The following PDE8B variants were observed in gnomAD, a reference collection of about 807,000 sequenced individuals.
The protein encoded by PDE8B is high affinity cAMP-specific and IBMX-insensitive 3',5'-cyclic phosphodiesterase 8B.
Under a neutral mutation model 101.3 loss-of-function variants are expected in PDE8B, and 26 were observed. That is an observed-to-expected ratio of 0.26 (90% CI 0.19 to 0.36). The LOEUF is 0.36. Ranked by LOEUF, PDE8B falls within the 10% of genes least tolerant of loss-of-function variation. The pLI, the probability that PDE8B is intolerant of heterozygous loss-of-function variation, is 1.00. For missense variants in PDE8B, 810 were observed against 1,163.1 expected (o/e 0.70, Z 4.42); for synonymous variants, 424 against 429.3 (o/e 0.99, Z 0.15).
chr5:77,255,806 C>T (rs897767972), intron 1 of PDE8B, among the ~76,000 whole-genome samples: 9 of 152,196 alleles, frequency 5.9e-5, no homozygotes, highest in African/African-American at 1.4e-4. Context: ...TGGGGCCTCT[C>T]GTCTACTACA....
the PDE8B span, among the ~76,000 whole-genome samples, chr5:77,181,296 C>G: frequency 2.6e-3 from 398 of 152,244 alleles, 2 homozygotes; most frequent in Middle Eastern, 0.027. Context: ...CCCGGGAGAA[C>G]AGTCTGTGGT....
At chr5:77,315,798 T>C (rs949154730) in intron 2 of PDE8B, among the ~76,000 whole-genome samples, 2 of 152,354 alleles carry the variant, frequency 1.3e-5, no homozygotes, top group Middle Eastern at 3.4e-3. Flanking sequence ...TATCATTACG[T>C]AGTGTCCTAC....
intron 2 of PDE8B, 51 bp downstream of exon 2, chr5:77,312,104 T>A: frequency 8.3e-7 from 1 of 1,211,126 alleles, no homozygotes; most frequent in Non-Finnish European, 1.2e-6. Context: ...CTTTTTTTTT[T>A]CTTTTTTTTT....
At chr5:77,240,745 T>G (rs1343691933) in intron 1 of PDE8B, among the ~76,000 whole-genome samples, 1 of 152,232 alleles carries the variant, frequency 6.6e-6, no homozygotes, top group Middle Eastern at 3.2e-3. Context: ...GCAATAAGTG[T>G]TGTGAAAGGA....
chr5:77,111,545 T>C, the PDE8B span, among the ~76,000 whole-genome samples: 1 of 152,208 alleles, frequency 6.6e-6, no homozygotes, highest in South Asian at 2.1e-4. Flanking sequence ...AATAAATTAC[T>C]GGGAAGACAT....
At chr5:77,388,308 G>A (rs1479518129) in intron 10 of PDE8B, among the ~76,000 whole-genome samples, 1 of 152,156 alleles carries the variant, frequency 6.6e-6, no homozygotes, top group African/African-American at 2.4e-5. Context: ...CTGTCTGTTA[G>A]TTTTCCTTCT....
At chr5:77,387,139 G>A (rs981620231) in intron 10 of PDE8B, among the ~76,000 whole-genome samples, 3 of 151,968 alleles carry the variant, frequency 2.0e-5, no homozygotes, top group East Asian at 1.9e-4. Context: ...CGCCTCGGCC[G>A]ATGTAGTTTC....
chr5:77,209,843 G>A (rs1293473584), upstream of PDE8B, among the ~76,000 whole-genome samples: 1 of 152,228 alleles, frequency 6.6e-6, no homozygotes, highest in African/African-American at 2.4e-5. Context: ...TTCTGTTCTT[G>A]CCTTGGATCT....
intron 1 of PDE8B, among the ~76,000 whole-genome samples, chr5:77,221,015 G>A (rs907683704): frequency 1.3e-5 from 2 of 152,216 alleles, no homozygotes; most frequent in African/African-American, 4.8e-5. Flanking sequence ...AAAGGGGTGT[G>A]TCGAGCTTCT....
chr5:77,141,014 A>G, the PDE8B span: 2 of 152,320 alleles, frequency 1.3e-5, no homozygotes, highest in Middle Eastern at 3.4e-3. Flanking sequence ...TTTCCCTGTA[A>G]CAGTAACTGA....
intron 10 of PDE8B, among the ~76,000 whole-genome samples, chr5:77,396,782 T>A (rs1791153621): frequency 6.6e-6 from 1 of 152,170 alleles, no homozygotes; most frequent in Admixed American, 6.5e-5. Flanking sequence ...CATCTTTCTT[T>A]CTTCACTTTC....
the PDE8B span, among the ~76,000 whole-genome samples, chr5:77,185,315 A>G: frequency 3.9e-5 from 6 of 152,188 alleles, no homozygotes; most frequent in Admixed American, 6.5e-5. Context: ...CCTCAGAACT[A>G]TAAGGTATCA....
At chr5:77,257,515 CAA>C (rs1759434181) in intron 1 of PDE8B, among the ~76,000 whole-genome samples, 1 of 152,086 alleles carries the variant, frequency 6.6e-6, no homozygotes, top group Admixed American at 6.5e-5. Flanking sequence ...GCCAGTGAGT[CAA>C]GAGGACATAA....
At chr5:77,097,707 C>CTATATATATATATA in the PDE8B span, among the ~76,000 whole-genome samples, 26 of 20,766 alleles carry the variant, frequency 1.3e-3, no homozygotes, top group East Asian at 2.8e-3. Flanking sequence ...ATATATATAT[C>CTATATATATATATA]TATATATATA....
chr5:77,194,608 C>T, the PDE8B span, among the ~76,000 whole-genome samples: 4 of 152,156 alleles, frequency 2.6e-5, no homozygotes, highest in African/African-American at 9.7e-5. Context: ...TCCCCAGCCC[C>T]TTTACATTCC....
chr5:77,124,329 C>T, the PDE8B span, among the ~76,000 whole-genome samples: 1 of 152,124 alleles, frequency 6.6e-6, no homozygotes, highest in African/African-American at 2.4e-5. Flanking sequence ...GTGGTTCACA[C>T]CTGTAATACC....
chr5:77,349,605 C>A, intron 8 of PDE8B, 46 bp downstream of exon 8: 1 of 1,607,670 alleles, frequency 6.2e-7, no homozygotes, highest in Non-Finnish European at 8.5e-7. Context: ...CTCCCCAATG[C>A]ACTTTTTTTT....
the PDE8B span, chr5:77,147,612 T>G: frequency 6.6e-6 from 1 of 152,382 alleles, no homozygotes; most frequent in Non-Finnish European, 1.5e-5. Context: ...TAAATACAAT[T>G]TTTTTATTAG....
At chr5:77,158,502 G>A in the PDE8B span, among the ~76,000 whole-genome samples, 3 of 152,202 alleles carry the variant, frequency 2.0e-5, no homozygotes, top group Non-Finnish European at 4.4e-5. Flanking sequence ...GAGGTCACTA[G>A]CAGGCCAGTG....
Sources: gnomAD v4.1 joint callset for allele counts (sites outside exome capture counted in the v4.1 genomes callset) on GRCh38, gnomAD v4.1.1 for gene constraint, MANE v1.5 for transcripts, NCBI Gene and HGNC (gene_info 2026-07-23, HGNC 2026-07-21) for gene names.